Variants in COL19A1 observed in about 807,000 individuals in gnomAD.
The protein encoded by COL19A1 is collagen alpha-1(XIX) chain.
COL19A1 carries 159 observed loss-of-function variants against 190.2 expected under a neutral mutation model. That is an observed-to-expected ratio of 0.84 (90% CI 0.73 to 0.95). The LOEUF (loss-of-function observed/expected upper bound fraction) is 0.95, where lower values mean the gene tolerates loss of function less well. Ranked by LOEUF, COL19A1 falls within the 40% of genes least tolerant of loss-of-function variation. COL19A1 has a pLI of 0.00. For synonymous variants in COL19A1, 509 were observed against 458.9 expected (o/e 1.11, Z -1.39); for missense variants, 1,418 against 1,431.9 (o/e 0.99, Z 0.16).
intron 27 of COL19A1, among the ~76,000 whole-genome samples, chr6:70,149,370 A>C (rs1309532170): frequency 6.6e-6 from 1 of 152,148 alleles, no homozygotes; most frequent in Non-Finnish European, 1.5e-5. Context: ...AGAATCCCTG[A>C]GCCAGTTACC....
intron 4 of COL19A1, among the ~76,000 whole-genome samples, chr6:69,926,720 CA>C (rs1056231684): frequency 5.3e-5 from 8 of 152,034 alleles, no homozygotes; most frequent in African/African-American, 1.9e-4. Flanking sequence ...ATAAGCAATG[CA>C]AATTCCTCAA....
chr6:70,083,537 T>G (rs1232140502), intron 15 of COL19A1, among the ~76,000 whole-genome samples: 7 of 152,312 alleles, frequency 4.6e-5, no homozygotes, highest in Admixed American at 2.6e-4. Flanking sequence ...TCCCATAGAA[T>G]TAGAGAAGTG....
At chr6:69,929,882 A>G (rs191589256) in intron 6 of COL19A1, among the ~76,000 whole-genome samples, 182 bp downstream of exon 6, 2 of 152,292 alleles carry the variant, frequency 1.3e-5, no homozygotes, top group East Asian at 3.9e-4. Flanking sequence ...GTATTTTCAC[A>G]TGTATTATTT....
intron 9 of COL19A1, among the ~76,000 whole-genome samples, chr6:69,954,480 G>A (rs986069113): frequency 1.3e-5 from 2 of 152,158 alleles, no homozygotes; most frequent in Non-Finnish European, 2.9e-5. Context: ...GATCGGAAAA[G>A]CACCCCAATG....
Position 70,145,205 on chromosome 6 carries a change from A to C in COL19A1, c.1770+198A>C, listed in dbSNP as rs576727942. On this transcript the variant is annotated intron_variant, in intron 25 of 50. Coordinates refer to ENST00000620364, the MANE Select transcript of COL19A1 (RefSeq NM_001858.6). ...TTCCCAAAAGAAAATAAATAGTTCT[A>C]CAAAAAAGACAGATGTATTCGTATG... Among the ~76,000 whole-genome samples, 13 of 152,292 alleles carry C rather than the reference A, an allele frequency of 8.5e-5. No homozygotes were observed. In the East Asian group the frequency reaches 9.7e-4, roughly 11 times the overall value.
chr6:69,960,180 A>G, intron 10 of COL19A1, 140 bp downstream of exon 10: 1 of 825,546 alleles, frequency 1.2e-6, no homozygotes, highest in Non-Finnish European at 1.9e-6. Context: ...GTCTTTTCAA[A>G]GAGAACTTGT....
At chr6:70,061,921 T>C (rs932105331) in intron 14 of COL19A1, among the ~76,000 whole-genome samples, 2 of 152,172 alleles carry the variant, frequency 1.3e-5, no homozygotes, top group African/African-American at 2.4e-5. Flanking sequence ...TTGTTTTTCT[T>C]ATAAACACTA....
At chr6:69,867,615 G>C (rs1253759613) in intron 1 of COL19A1, 1 of 152,326 alleles carries the variant, frequency 6.6e-6, no homozygotes, top group Non-Finnish European at 1.5e-5. Context: ...GGGCACGCTA[G>C]CTCCCCGAGA....
chr6:70,034,055 A>T (rs1779214547), intron 12 of COL19A1, among the ~76,000 whole-genome samples, 190 bp from the exon 13 acceptor site: 1 of 152,180 alleles, frequency 6.6e-6, no homozygotes, highest in Non-Finnish European at 1.5e-5. Context: ...CGCTGATTTA[A>T]TGTATCTGTG....
chr6:69,987,631 G>A (rs544792821), intron 11 of COL19A1, among the ~76,000 whole-genome samples: 101 of 152,300 alleles, frequency 6.6e-4, no homozygotes, highest in African/African-American at 2.4e-3. Context: ...AAGCACCACC[G>A]TTTGTATCAC....
At chr6:69,945,286 G>A (rs115776372) in intron 9 of COL19A1, among the ~76,000 whole-genome samples, 1,580 of 152,090 alleles carry the variant, frequency 0.01, 33 homozygotes, top group African/African-American at 0.035. Flanking sequence ...AATGGAATAA[G>A]TTAGCTTATT....
intron 9 of COL19A1, among the ~76,000 whole-genome samples, chr6:69,955,522 AGTGTGTGTGTGT>A (rs60501043): frequency 4.7e-4 from 65 of 138,968 alleles, no homozygotes; most frequent in South Asian, 1.5e-3. Flanking sequence ...GCCACAGCAA[AGTGTGTGTGTGT>A]GTGTGTGTGT....
intron 16 of COL19A1, among the ~76,000 whole-genome samples, chr6:70,117,116 C>T (rs1322875942): frequency 6.6e-6 from 1 of 152,130 alleles, no homozygotes; most frequent in African/African-American, 2.4e-5. Context: ...TAAGGAGCCA[C>T]AGAGCTCCTG....
chr6:70,121,191 C>T (rs987556493), intron 16 of COL19A1, among the ~76,000 whole-genome samples: 1 of 152,086 alleles, frequency 6.6e-6, no homozygotes, highest in East Asian at 1.9e-4. Context: ...GCCCTCACCC[C>T]AAAATGTAAT....
At chr6:70,036,845 A>AC in intron 14 of COL19A1, among the ~76,000 whole-genome samples, 1 of 152,134 alleles carries the variant, frequency 6.6e-6, no homozygotes. Context: ...CATAGGTAGA[A>AC]CATAGGAATC....
chr6:70,119,636 C>A (rs1296948632), intron 16 of COL19A1, among the ~76,000 whole-genome samples: 1 of 152,122 alleles, frequency 6.6e-6, no homozygotes. Flanking sequence ...ATTAGCCCTG[C>A]CACTTACCAG....
At chr6:70,124,715 G>A (rs1053182648) in intron 17 of COL19A1, among the ~76,000 whole-genome samples, 5 of 152,118 alleles carry the variant, frequency 3.3e-5, no homozygotes, top group African/African-American at 1.2e-4. Context: ...TAGTCCACGT[G>A]TTCTCTAAAT....
At chr6:69,942,297 T>C (rs371181714) in intron 9 of COL19A1, among the ~76,000 whole-genome samples, 5 of 152,310 alleles carry the variant, frequency 3.3e-5, no homozygotes, top group African/African-American at 1.2e-4. Context: ...TTTTCATTCA[T>C]TTATACAATC....
chr6:70,022,580 A>T (rs1778473666), intron 11 of COL19A1, among the ~76,000 whole-genome samples: 3 of 152,210 alleles, frequency 2.0e-5, no homozygotes, highest in Admixed American at 6.5e-5. Flanking sequence ...TACACTTTTC[A>T]GGTGGCAAGA....
Sources: allele counts gnomAD v4.1 joint callset (sites outside exome capture counted in the v4.1 genomes callset), GRCh38; gene constraint gnomAD v4.1.1; transcripts MANE v1.5; gene names NCBI Gene and HGNC (gene_info 2026-07-23, HGNC 2026-07-21).